PCDH9: variants seen among roughly 807,000 people sequenced by gnomAD.
PCDH9 encodes protocadherin-9.
A neutral mutation model predicts 70.6 loss-of-function variants in PCDH9; 24 were observed. That is an observed-to-expected ratio of 0.34 (90% confidence interval 0.25 to 0.48). The LOEUF (loss-of-function observed/expected upper bound fraction) is 0.48, where lower values mean the gene tolerates loss of function less well. Among genes scored for constraint, PCDH9 ranks in the 20% least tolerant of loss-of-function variants. The pLI is 0.99. For synonymous variants in PCDH9, 562 were observed against 558.5 expected (o/e 1.01, Z -0.09); for missense variants, 1,281 against 1,503.6 (o/e 0.85, Z 2.45).
chr13:66,665,408 G>A (rs1483420859), intron 3 of PCDH9, among the ~76,000 whole-genome samples: 3 of 151,960 alleles, frequency 2.0e-5, no homozygotes, highest in African/African-American at 4.8e-5. Context: ...AGAAAGCTAA[G>A]GACTTTTCTA....
chr13:66,403,061 A>C (rs908402869), intron 4 of PCDH9, among the ~76,000 whole-genome samples: 1 of 151,604 alleles, frequency 6.6e-6, no homozygotes, highest in South Asian at 2.1e-4. Context: ...AGAAAAAGAC[A>C]GGAGAATTAT....
At chr13:66,925,604 A>T (rs1195567566) in intron 2 of PCDH9, among the ~76,000 whole-genome samples, 1 of 147,458 alleles carries the variant, frequency 6.8e-6, no homozygotes, top group Non-Finnish European at 1.5e-5. Flanking sequence ...TAAGCTTGTT[A>T]ACTTGATTTT....
chr13:67,155,301 T>C (rs147601033), intron 2 of PCDH9, among the ~76,000 whole-genome samples: 348 of 152,318 alleles, frequency 2.3e-3, no homozygotes, highest in Admixed American at 3.9e-3. Flanking sequence ...TCTAATATTT[T>C]GAAATTTGTT....
chr13:66,931,550 T>C (rs1346385320), intron 2 of PCDH9, among the ~76,000 whole-genome samples: 4 of 152,134 alleles, frequency 2.6e-5, no homozygotes, highest in Non-Finnish European at 2.9e-5. Flanking sequence ...TATTCTGAAG[T>C]TAATGATATT....
chr13:66,506,793 A>T (rs1373525507), intron 4 of PCDH9, among the ~76,000 whole-genome samples: 1 of 152,262 alleles, frequency 6.6e-6, no homozygotes, highest in East Asian at 1.9e-4. Flanking sequence ...CTCACATAAA[A>T]AAGTGTTCTG....
chr13:67,003,112 G>C (rs1048139519), intron 2 of PCDH9, among the ~76,000 whole-genome samples: 1 of 151,862 alleles, frequency 6.6e-6, no homozygotes, highest in Non-Finnish European at 1.5e-5. Context: ...CAATCAAACT[G>C]GTTGACCTGG....
intron 4 of PCDH9, among the ~76,000 whole-genome samples, chr13:66,492,208 A>G (rs561490037): frequency 1.3e-5 from 2 of 152,246 alleles, no homozygotes; most frequent in African/African-American, 2.4e-5. Flanking sequence ...TGTGATTGAC[A>G]CAATCAAAGT....
At chr13:66,609,954 CTTT>C (rs11333407) in intron 4 of PCDH9, among the ~76,000 whole-genome samples, 1 of 117,122 alleles carries the variant, frequency 8.5e-6, no homozygotes. Context: ...GCATTTCCTT[CTTT>C]TTTTTTTTTT....
intron 3 of PCDH9, among the ~76,000 whole-genome samples, chr13:66,833,475 G>A (rs919863456): frequency 2.0e-5 from 3 of 152,146 alleles, no homozygotes; most frequent in Middle Eastern, 3.4e-3. Flanking sequence ...CACTCTGTAC[G>A]TCTCTGGTAC....
chr13:66,566,054 G>C (rs530562028), intron 4 of PCDH9, among the ~76,000 whole-genome samples: 24 of 152,284 alleles, frequency 1.6e-4, no homozygotes, highest in African/African-American at 5.8e-4. Context: ...GAAGAGAAGG[G>C]AGTCCCAGGA....
chr13:67,135,305 G>A (rs1038898326), intron 2 of PCDH9, among the ~76,000 whole-genome samples: 2 of 151,944 alleles, frequency 1.3e-5, no homozygotes, highest in African/African-American at 2.4e-5. Context: ...GAAGGTCCTG[G>A]GGAGATGTCA....
At chr13:66,839,577 T>A (rs568919289) in intron 3 of PCDH9, among the ~76,000 whole-genome samples, 13 of 152,338 alleles carry the variant, frequency 8.5e-5, no homozygotes, top group African/African-American at 3.1e-4. Flanking sequence ...CCTGCATATT[T>A]TAACAAGCTT....
At chr13:66,446,553 A>G (rs1361461623) in intron 4 of PCDH9, among the ~76,000 whole-genome samples, 1 of 152,090 alleles carries the variant, frequency 6.6e-6, no homozygotes, top group Non-Finnish European at 1.5e-5. Flanking sequence ...CATGCTACAT[A>G]TGAAAGGAAT....
At chr13:66,571,482 T>C (rs965390220) in intron 4 of PCDH9, among the ~76,000 whole-genome samples, 2 of 152,074 alleles carry the variant, frequency 1.3e-5, no homozygotes, top group African/African-American at 2.4e-5. Flanking sequence ...TAGCAAGCTA[T>C]ATTTAGACTA....
chr13:66,442,667 T>G (rs74771484), intron 4 of PCDH9, among the ~76,000 whole-genome samples: 1 of 3,340 alleles, frequency 3.0e-4, no homozygotes, highest in African/African-American at 3.1e-4. Context: ...CAGTTTGTTG[T>G]TTTTTTTTCA....
intron 2 of PCDH9, among the ~76,000 whole-genome samples, chr13:66,991,551 T>TA (rs2084003411): frequency 6.6e-6 from 1 of 152,138 alleles, no homozygotes; most frequent in Non-Finnish European, 1.5e-5. Flanking sequence ...TAGAATCCTT[T>TA]ATTAATTCAG....
chr13:66,690,912 G>C (rs1194045014), intron 3 of PCDH9, among the ~76,000 whole-genome samples: 1 of 152,212 alleles, frequency 6.6e-6, no homozygotes, highest in Non-Finnish European at 1.5e-5. Context: ...ACTGCCAGCA[G>C]TGTCACCAGC....
chr13:66,581,486 T>C (rs907201665), intron 4 of PCDH9, among the ~76,000 whole-genome samples: 1 of 152,162 alleles, frequency 6.6e-6, no homozygotes, highest in Non-Finnish European at 1.5e-5. Flanking sequence ...AAGTACAATG[T>C]TATCAGAGAT....
intron 4 of PCDH9, among the ~76,000 whole-genome samples, chr13:66,433,861 T>G (rs1957819599): frequency 6.6e-6 from 1 of 151,890 alleles, no homozygotes. Context: ...TTTTCCCTGG[T>G]AAATATTGAA....
Sources: gnomAD v4.1 joint callset for allele counts (sites outside exome capture counted in the v4.1 genomes callset) on GRCh38, gnomAD v4.1.1 for gene constraint, MANE v1.5 for transcripts, NCBI Gene and HGNC (gene_info 2026-07-23, HGNC 2026-07-21) for gene names.